FAM184A: variants seen among roughly 807,000 people sequenced by gnomAD.
FAM184A encodes the protein protein FAM184A.
FAM184A carries 99 observed loss-of-function variants against 143.8 expected under a neutral mutation model. That is an observed-to-expected ratio of 0.69 (90% CI 0.58 to 0.81). The LOEUF (loss-of-function observed/expected upper bound fraction) is 0.81, where lower values mean the gene tolerates loss of function less well. Ranked by LOEUF, FAM184A falls within the 40% of genes least tolerant of loss-of-function variation. The pLI, the probability that FAM184A is intolerant of heterozygous loss-of-function variation, is 0.00. For synonymous variants in FAM184A, 427 were observed against 446.4 expected (o/e 0.96, Z 0.55); for missense variants, 1,217 against 1,310.5 (o/e 0.93, Z 1.10).
intron 1 of FAM184A, among the ~76,000 whole-genome samples, chr6:119,138,819 G>T (rs1772109507): frequency 6.6e-6 from 1 of 152,056 alleles, no homozygotes; most frequent in South Asian, 2.1e-4. Context: ...TAGAGACGGG[G>T]TTTCTCCATG....
intron 1 of FAM184A, among the ~76,000 whole-genome samples, chr6:119,049,910 G>A (rs1295300940): frequency 6.6e-6 from 1 of 152,050 alleles, no homozygotes; most frequent in Non-Finnish European, 1.5e-5. Context: ...CTACAGAATG[G>A]GAGAAAATTC....
At chr6:118,987,253 TAG>T (rs1784224499) in intron 9 of FAM184A, among the ~76,000 whole-genome samples, 1 of 152,228 alleles carries the variant, frequency 6.6e-6, no homozygotes, top group South Asian at 2.1e-4. Flanking sequence ...TACAATGGCA[TAG>T]AGTTTCTGCC....
At chr6:119,011,218 T>A in intron 6 of FAM184A, 91 bp downstream of exon 6, 1 of 1,087,726 alleles carries the variant, frequency 9.2e-7, no homozygotes, top group East Asian at 2.6e-5. Flanking sequence ...ATGTTACCTT[T>A]ACTGAGACTT....
chr6:119,134,408 G>A (rs140307307), intron 1 of FAM184A, among the ~76,000 whole-genome samples: 280 of 151,948 alleles, frequency 1.8e-3, no homozygotes, highest in African/African-American at 6.5e-3. Flanking sequence ...AGTCTATTGC[G>A]GGGGGTGCCA....
rs1562140999 is a variant in FAM184A, at chr6:119,078,105, CG to C, written c.159+35del. On this transcript the variant is annotated intron_variant, in intron 1 of 17. Transcript: ENST00000338891. The surrounding 1 kb of genome is among the most constrained non-coding windows in gnomAD (Gnocchi z 5.5). ...ACAGGTGAGTCCGGCGCGGCCCGCA[CG>C]GGGTCGCCACCTGCCCCGTCGCTGC... 4 of 1,552,520 alleles carry C rather than the reference CG, an allele frequency of 2.6e-6. No individual in the cohort carries two copies. In the South Asian group the frequency reaches 4.7e-5, roughly 18 times the overall value.
At chr6:119,118,021 A>T (rs932620766) in intron 1 of FAM184A, among the ~76,000 whole-genome samples, 2 of 152,152 alleles carry the variant, frequency 1.3e-5, no homozygotes, top group Non-Finnish European at 2.9e-5. Flanking sequence ...GACACCAAAG[A>T]TCACTCAGAT....
At chr6:119,131,920 A>C (rs1789544559) in intron 1 of FAM184A, among the ~76,000 whole-genome samples, 1 of 152,222 alleles carries the variant, frequency 6.6e-6, no homozygotes, top group South Asian at 2.1e-4. Flanking sequence ...GGATAAAGCT[A>C]TTCTTTAATT....
chr6:118,961,662 TC>T, intron 17 of FAM184A, 98 bp downstream of exon 17: 1 of 963,434 alleles, frequency 1.0e-6, no homozygotes, highest in Non-Finnish European at 1.6e-6. Context: ...TAGTAATTTT[TC>T]TTAGGTTGTT....
chr6:118,998,161 T>G (rs1430922057), intron 9 of FAM184A, among the ~76,000 whole-genome samples: 2 of 152,206 alleles, frequency 1.3e-5, no homozygotes, highest in Non-Finnish European at 2.9e-5. Context: ...CAGATGATGA[T>G]TTCCTTTCTG....
At chr6:118,984,585 T>C (rs1294206904) in intron 9 of FAM184A, among the ~76,000 whole-genome samples, 1 of 152,244 alleles carries the variant, frequency 6.6e-6, no homozygotes, top group Non-Finnish European at 1.5e-5. Context: ...GTACTGGGTA[T>C]GACAGAATGT....
At chr6:118,961,990 A>G (rs769394356) in intron 16 of FAM184A, 27 bp from the exon 17 acceptor site, 2 of 1,600,620 alleles carry the variant, frequency 1.2e-6, no homozygotes, top group East Asian at 2.2e-5. Flanking sequence ...ACATGTGAGG[A>G]TAGTCCCTGC....
At chr6:118,977,794 T>C (rs1229729738) in intron 11 of FAM184A, among the ~76,000 whole-genome samples, 1 of 152,190 alleles carries the variant, frequency 6.6e-6, no homozygotes, top group Non-Finnish European at 1.5e-5. Context: ...GTCATTGTAC[T>C]GGTTGTGATA....
At chr6:119,034,041 TAGAG>T (rs57162948) in intron 1 of FAM184A, among the ~76,000 whole-genome samples, 1,522 of 41,876 alleles carry the variant, frequency 0.036, 25 homozygotes, top group Admixed American at 0.047. Context: ...TATATATATA[TAGAG>T]AGAGAGAGAG....
chr6:119,067,712 T>C (rs1243687338), intron 1 of FAM184A, among the ~76,000 whole-genome samples: 1 of 152,218 alleles, frequency 6.6e-6, no homozygotes, highest in East Asian at 1.9e-4. Flanking sequence ...GACCATGCAA[T>C]ACAACGACCA....
chr6:119,076,691 A>G (rs1315321629), intron 1 of FAM184A, among the ~76,000 whole-genome samples: 1 of 152,222 alleles, frequency 6.6e-6, no homozygotes, highest in Non-Finnish European at 1.5e-5. Flanking sequence ...TTATGGACAC[A>G]TCATAAGAGA....
intron 1 of FAM184A, among the ~76,000 whole-genome samples, chr6:119,041,015 G>A (rs1331645323): frequency 6.6e-6 from 1 of 152,066 alleles, no homozygotes; most frequent in Non-Finnish European, 1.5e-5. Flanking sequence ...TCCTCCTTTA[G>A]CTCCCATTTC....
chr6:119,046,375 C>T (rs971291684), intron 1 of FAM184A, among the ~76,000 whole-genome samples: 6 of 151,938 alleles, frequency 3.9e-5, no homozygotes, highest in African/African-American at 1.2e-4. Flanking sequence ...CAGACAAGCG[C>T]AACCACACCC....
chr6:119,041,391 C>A (rs1033934828), intron 1 of FAM184A, among the ~76,000 whole-genome samples: 1 of 152,176 alleles, frequency 6.6e-6, no homozygotes, highest in Non-Finnish European at 1.5e-5. Flanking sequence ...ACTTAGCTCA[C>A]ACTCGGCCAA....
In FAM184A at chr6:119,016,904, T is replaced by G; in HGVS notation, c.1373A>C (p.Glu458Ala). 6.2e-7 allele frequency: 1 copy of G among 1,613,608 alleles called. No homozygotes were observed. Among genetic ancestry groups the G allele is most frequent in the Non-Finnish European group, 8.5e-7 (1 of 1,179,808 alleles). The change falls in exon 5 of 18, where the codon GAA becomes GCA. Residue 458 changes from glutamate (E) to alanine (A), a missense_variant. Transcript: ENST00000338891. ...ACTTTGCAGGTTTTTAAGTTCCCTT[T>G]CATAATATTCTTGCTGAGTTCTCTT... The part of the protein sequence containing the change: ...EAKRTQQEYY[E>A]RELKNLQSRL...
Sources: gnomAD v4.1 joint callset for allele counts (sites outside exome capture counted in the v4.1 genomes callset) on GRCh38, gnomAD v4.1.1 for gene constraint, Gnocchi (gnomAD v3.1) non-coding constraint, MANE v1.5 for transcripts, NCBI Gene and HGNC (gene_info 2026-07-23, HGNC 2026-07-21) for gene names.